RYR1: variants seen among roughly 807,000 people sequenced by gnomAD.
RYR1 encodes the protein central core disease of muscle.
A neutral mutation model predicts 583.5 loss-of-function variants in RYR1; 342 were observed. That is an observed-to-expected ratio of 0.59 (90% CI 0.54 to 0.64). The LOEUF (loss-of-function observed/expected upper bound fraction) is 0.64, where lower values mean the gene tolerates loss of function less well. RYR1 is among the 30% of genes least tolerant of loss of function. The probability of loss-of-function intolerance (pLI) is 0.00; values close to 1 mark genes in which losing one functional copy is unlikely to be tolerated. For missense variants in RYR1, 6,032 were observed against 6,917.2 expected, an observed-to-expected ratio of 0.87 and a Z score of 4.54; for synonymous variants, 2,791 against 2,822.5, an observed-to-expected ratio of 0.99 and a Z score of 0.35.
intron 33 of RYR1, among the ~76,000 whole-genome samples, chr19:38,484,396 CTCCTT>C (rs1487467206): frequency 6.6e-6 from 1 of 151,232 alleles, no homozygotes; most frequent in Non-Finnish European, 1.5e-5. Context: ...CCTTCCCTCT[CTCCTT>C]CCCTTCCTTC....
At chr19:38,531,132 C>A (rs1238683144) in intron 76 of RYR1, among the ~76,000 whole-genome samples, 2 of 152,008 alleles carry the variant, frequency 1.3e-5, no homozygotes, top group Non-Finnish European at 2.9e-5. Context: ...CCGCGCCCAG[C>A]CTTCTTTGGT....
chr19:38,550,116 A>G (rs549321168), intron 89 of RYR1, among the ~76,000 whole-genome samples: 1 of 152,164 alleles, frequency 6.6e-6, no homozygotes, highest in South Asian at 2.1e-4. Context: ...TCATTCTCCT[A>G]CCTAAGCACA....
chr19:38,537,765 C>T (rs533840918), intron 83 of RYR1, 115 bp from the exon 84 acceptor site: 456 of 1,003,692 alleles, frequency 4.5e-4, no homozygotes, highest in Non-Finnish European at 1.4e-4. Flanking sequence ...CTGCTCCTCC[C>T]AGCACCCCCA....
chr19:38,523,941 A>C lies in RYR1; in HGVS notation c.10455+12A>C. 2 of 1,613,688 alleles carry C rather than the reference A, an allele frequency of 1.2e-6. No homozygotes were observed. Among genetic ancestry groups the C allele is most frequent in the South Asian group, 2.2e-5 (2 of 91,064 alleles). On this transcript the variant is annotated intron_variant, in intron 70 of 105. Transcript: ENST00000359596. ...CGGGAGATATACAGGTCAGCCCCACATCTGGGACCTTCCGCATGTCTCTTG... is the reference window on the plus strand; with the variant it reads ...CGGGAGATATACAGGTCAGCCCCACCTCTGGGACCTTCCGCATGTCTCTTG...
At position 38,486,181 on chromosome 19, in the gene RYR1, C is replaced by A; in HGVS notation, c.5526C>A (p.Leu1842=). ...GSVEFQFVPV[L]KLVSTLLVMG... Reference sequence around the variant, plus strand: ...TGGAGTTCCAGTTTGTGCCTGTGCTCAAGCTCGTGTCCACCCTGCTGGTAA... The same window carrying A: ...TGGAGTTCCAGTTTGTGCCTGTGCTAAAGCTCGTGTCCACCCTGCTGGTAA... Residue 1842 remains leucine, a synonymous_variant, in exon 34 of 106, where the codon CTC becomes CTA. Transcript: ENST00000359596. The A allele has an allele frequency of 6.2e-7, 1 of 1,612,944 alleles. No homozygotes were observed. The highest frequency in any genetic ancestry group is 1.1e-5 in the South Asian group (1 of 91,084).
In RYR1 at chr19:38,578,128, ACCCCCG is replaced by A; in HGVS notation, c.14304-10_14304-5del. The A allele has an allele frequency of 6.3e-7, 1 of 1,587,652 alleles. No individual in the cohort carries two copies. The highest frequency in any genetic ancestry group is 1.7e-5 in the Admixed American group (1 of 59,388). On this transcript the variant is annotated splice_polypyrimidine_tract_variant and intron_variant, in intron 98 of 105. Transcript: ENST00000359596. ...GTCTGACACTCAAGCATCTCTCCCC[ACCCCCG>A]CCCCCACAGGCTCATGTCCATCGAT... is the stretch of plus-strand genomic sequence containing the variant.
At chr19:38,434,428 T>C (rs1256294865) in intron 1 of RYR1, among the ~76,000 whole-genome samples, 1 of 152,096 alleles carries the variant, frequency 6.6e-6, no homozygotes, top group Non-Finnish European at 1.5e-5. Flanking sequence ...CTGCTCCCAA[T>C]GGCTGCTAAT....
rs1256087842 is a variant in RYR1, at chr19:38,580,119, T to C, written c.14502T>C (p.Asn4834=). ...LRTILSSVTH[N]GKQLVMTVGL... is the part of the protein sequence containing the mutation. The stretch of plus-strand genomic sequence containing the variant: ...CCATCCTGTCCTCTGTCACCCACAA[T>C]GGGAAACAGGTGTGGGGAGGACCTG... Residue 4834 remains asparagine (N), a synonymous_variant, in exon 100 of 106, where the codon AAT becomes AAC. Coordinates refer to ENST00000359596, the MANE Select transcript of RYR1 (RefSeq NM_000540.3). 2 of 1,614,010 alleles carry C rather than the reference T, an allele frequency of 1.2e-6. No individual in the cohort carries two copies. The highest frequency in any genetic ancestry group is 8.5e-7 in the Non-Finnish European group (1 of 1,179,998).
Position 38,561,390 on chromosome 19 carries a change from GC to G in RYR1, c.12562del (p.Arg4188AlafsTer22). On this transcript the variant is annotated frameshift_variant, in exon 90 of 106. Coordinates refer to ENST00000359596, the MANE Select transcript of RYR1 (RefSeq NM_000540.3). LOFTEE classifies it high-confidence loss of function. This position sits in a 1 kb window ranked among gnomAD's most constrained non-coding sequence, Gnocchi z 4.8. Reference protein sequence around the residue: ...LGRIEIMGASRRIERIYFEIS... With the variant: ...LGRIEIMGASXRIERIYFEIS... The stretch of plus-strand genomic sequence containing the variant: ...CGCATCGAGATCATGGGCGCGTCAC[GC>G]CGCATCGAGCGCATCTACTTCGAGA... The G allele has an allele frequency of 6.2e-7, 1 of 1,613,228 alleles. No homozygotes were observed. Among genetic ancestry groups the G allele is most frequent in the East Asian group, 2.2e-5 (1 of 44,884 alleles).
rs756678070 is a variant in RYR1, at chr19:38,512,440, C to T, written c.9429C>T (p.Leu3143=). The T allele has an allele frequency of 1.9e-5, 30 of 1,613,554 alleles. No homozygotes were observed. The East Asian group carries it at 6.7e-4, about 36-fold the overall frequency. Residue 3143 remains leucine, a synonymous_variant, in exon 63 of 106, where the codon CTC becomes CTT. Coordinates refer to ENST00000359596, the MANE Select transcript of RYR1 (RefSeq NM_000540.3). The surrounding 1 kb of genome is among the most constrained non-coding windows in gnomAD (Gnocchi z 5.1). ...TVALLPVLTT[L]FQHIAQHQFG... ...CACTGCTGCCGGTCCTCACCACCCT[C>T]TTCCAGCACATCGCCCAGCACCAGT...
intron 78 of RYR1, among the ~76,000 whole-genome samples, chr19:38,534,517 GT>G (rs1971879294): frequency 6.6e-6 from 1 of 152,234 alleles, no homozygotes; most frequent in African/African-American, 2.4e-5. Context: ...TCTGATTTAT[GT>G]AGATCTTGCC....
At chr19:38,552,473 G>A (rs548863505) in intron 89 of RYR1, among the ~76,000 whole-genome samples, 6 of 151,984 alleles carry the variant, frequency 3.9e-5, no homozygotes, top group South Asian at 2.1e-4. Context: ...AGGTGGTCTC[G>A]ATCTCCTGAC....
At chr19:38,502,781 A>AGGGGCG in intron 48 of RYR1, 54 bp downstream of exon 48, 3 of 475,266 alleles carry the variant, frequency 6.3e-6, no homozygotes, top group Non-Finnish European at 6.8e-6. Context: ...GGGCAGGGGC[A>AGGGGCG]GGGGCAGGGG....
intron 84 of RYR1, among the ~76,000 whole-genome samples, chr19:38,542,239 A>G (rs186271749): frequency 6.6e-6 from 1 of 152,022 alleles, no homozygotes; most frequent in African/African-American, 2.4e-5. Context: ...ACTCAATAAA[A>G]TATGTTGAAT....
chr19:38,517,254 G>A (rs1600889431), intron 65 of RYR1, 105 bp from the exon 66 acceptor site: 1 of 1,159,452 alleles, frequency 8.6e-7, no homozygotes. Context: ...GACTGTTTAA[G>A]GGGGGTGGCA....
At chr19:38,564,878 CT>C (rs1973316598) in intron 90 of RYR1, 80 bp from the exon 91 acceptor site, 1 of 1,530,678 alleles carries the variant, frequency 6.5e-7, no homozygotes, top group Admixed American at 2.0e-5. Context: ...GCGGTGACCC[CT>C]TGTAGCTGCC....
intron 53 of RYR1, 148 bp from the exon 54 acceptor site, chr19:38,505,658 C>A: frequency 9.9e-7 from 1 of 1,006,178 alleles, no homozygotes; most frequent in Non-Finnish European, 1.5e-6. Context: ...GTTTGGGAGG[C>A]TCTGTTACAG....
At position 38,512,176 on chromosome 19, in the gene RYR1, C is replaced by T. The variant is rs561386337; in HGVS notation, c.9233+44C>T. On this transcript the variant is annotated intron_variant, in intron 62 of 105. Coordinates refer to ENST00000359596, the MANE Select transcript of RYR1 (RefSeq NM_000540.3). This position sits in a 1 kb window ranked among gnomAD's most constrained non-coding sequence, Gnocchi z 5.1. ...GCGCCCACTCCCACCATCATCGGGC[C>T]CCCACCCCAACCCCTGGTCTCCTAG... The T allele has an allele frequency of 6.2e-7, 1 of 1,613,548 alleles. No individual in the cohort carries two copies. The highest frequency in any genetic ancestry group is 1.7e-5 in the Admixed American group (1 of 59,998).
At chr19:38,552,172 G>A (rs1018395757) in intron 89 of RYR1, among the ~76,000 whole-genome samples, 8 of 151,512 alleles carry the variant, frequency 5.3e-5, no homozygotes, top group African/African-American at 1.9e-4. Context: ...AGCTGGTCTT[G>A]AACTCCAGGA....
Sources: allele counts gnomAD v4.1 joint callset (sites outside exome capture counted in the v4.1 genomes callset), GRCh38; gene constraint gnomAD v4.1.1; non-coding constraint Gnocchi (gnomAD v3.1); transcripts MANE v1.5; gene names NCBI Gene and HGNC (gene_info 2026-07-23, HGNC 2026-07-21).